FHIT: variants seen among roughly 807,000 people sequenced by gnomAD.
The protein encoded by FHIT is fragile histidine triad diadenosine triphosphatase.
Under a neutral mutation model 17.9 loss-of-function variants are expected in FHIT, and 19 were observed. The observed-to-expected ratio is 1.06, with a 90% CI of 0.74 to 1.56. FHIT has a LOEUF of 1.56. FHIT is among the 40% of genes most tolerant of loss of function. FHIT has a pLI of 0.00. For missense variants in FHIT, 248 were observed against 189.2 expected (o/e 1.31, Z -1.82); for synonymous variants, 81 against 69.7 (o/e 1.16, Z -0.81).
At chr3:60,791,671 C>T (rs1196247995) in intron 4 of FHIT, among the ~76,000 whole-genome samples, 1 of 152,168 alleles carries the variant, frequency 6.6e-6, no homozygotes, top group Non-Finnish European at 1.5e-5. Context: ...ACACCTGAGG[C>T]ACCCAGCACC....
At chr3:60,856,789 C>G (rs896181602) in intron 3 of FHIT, among the ~76,000 whole-genome samples, 1 of 152,046 alleles carries the variant, frequency 6.6e-6, no homozygotes, top group African/African-American at 2.4e-5. Context: ...CTCTATGCTC[C>G]CACCTGACAA....
Position 60,744,274 on chromosome 3 carries a change from A to C in FHIT, c.-18+77645T>G, listed in dbSNP as rs782660458. Among the ~76,000 whole-genome samples the C allele has an allele frequency of 1.7e-3, 249 of 148,318 alleles. 8 individuals are homozygous for C. The highest frequency in any genetic ancestry group is 3.3e-3 in the African/African-American group (131 of 39,890). On this transcript the variant is annotated intron_variant, in intron 4 of 9. Transcript: ENST00000492590. The stretch of plus-strand genomic sequence containing the variant: ...AAAAAAAAACAAAACAAAACAAAAA[A>C]AAAAAAAAACAGAAAGAAAAGAAAA...
chr3:59,988,135 A>G (rs1428411670), intron 7 of FHIT, among the ~76,000 whole-genome samples: 2 of 152,116 alleles, frequency 1.3e-5, no homozygotes, highest in Non-Finnish European at 2.9e-5. Context: ...ATCTGGAAGC[A>G]ACAGAGAATG....
chr3:59,845,992 T>C (rs1413946345), intron 8 of FHIT, among the ~76,000 whole-genome samples: 1 of 152,146 alleles, frequency 6.6e-6, no homozygotes, highest in Middle Eastern at 3.2e-3. Context: ...CTAAAGTAAG[T>C]CTGTGAAGAC....
intron 5 of FHIT, among the ~76,000 whole-genome samples, chr3:60,405,087 G>C (rs959933592): frequency 2.0e-5 from 3 of 152,136 alleles, no homozygotes; most frequent in African/African-American, 7.2e-5. Flanking sequence ...TAGGAAGATG[G>C]GATAGGGGTA....
intron 8 of FHIT, among the ~76,000 whole-genome samples, chr3:59,911,292 CA>C (rs1305003501): frequency 1.3e-5 from 2 of 152,284 alleles, no homozygotes; most frequent in East Asian, 3.9e-4. Flanking sequence ...CACTCACACA[CA>C]CTCTGATGTA....
At chr3:60,333,913 T>C (rs1431076367) in intron 5 of FHIT, among the ~76,000 whole-genome samples, 2 of 152,206 alleles carry the variant, frequency 1.3e-5, no homozygotes, top group Non-Finnish European at 2.9e-5. Context: ...CTGCTTCCTG[T>C]TGATCAACTT....
chr3:60,505,240 A>G (rs1321525271), intron 5 of FHIT, among the ~76,000 whole-genome samples: 3 of 152,164 alleles, frequency 2.0e-5, no homozygotes, highest in Non-Finnish European at 4.4e-5. Flanking sequence ...GGCCTCTGCT[A>G]TGGCTAAGTA....
intron 3 of FHIT, among the ~76,000 whole-genome samples, chr3:60,909,532 A>G (rs1272538671): frequency 2.6e-5 from 4 of 152,164 alleles, no homozygotes; most frequent in African/African-American, 4.8e-5. Context: ...TGCTGTCTAT[A>G]CTTTTTTTGG....
intron 3 of FHIT, among the ~76,000 whole-genome samples, chr3:60,876,844 A>G (rs2107101854): frequency 6.6e-6 from 1 of 152,294 alleles, no homozygotes; most frequent in East Asian, 1.9e-4. Flanking sequence ...AGAATACATC[A>G]AAGGAGTAAC....
chr3:60,571,713 G>A (rs772590347), intron 4 of FHIT, among the ~76,000 whole-genome samples: 3 of 152,094 alleles, frequency 2.0e-5, no homozygotes, highest in Non-Finnish European at 4.4e-5. Context: ...TTACAATAGA[G>A]CTACATGGTT....
chr3:60,233,840 C>T (rs900432042), intron 5 of FHIT, among the ~76,000 whole-genome samples: 1 of 151,982 alleles, frequency 6.6e-6, no homozygotes, highest in African/African-American at 2.4e-5. Context: ...CTGTACATGC[C>T]CCCTGTACTT....
intron 4 of FHIT, among the ~76,000 whole-genome samples, chr3:60,706,981 G>T (rs115969661): frequency 6.6e-6 from 1 of 152,204 alleles, no homozygotes; most frequent in African/African-American, 2.4e-5. Context: ...GCAGACAGGA[G>T]CCCAAGCCGG....
At chr3:60,369,692 C>T (rs115274283) in intron 5 of FHIT, among the ~76,000 whole-genome samples, 422 of 152,280 alleles carry the variant, frequency 2.8e-3, no homozygotes, top group African/African-American at 1.0e-2. Flanking sequence ...CCCAACTGAG[C>T]TTCTAGGCTG....
intron 5 of FHIT, among the ~76,000 whole-genome samples, chr3:60,460,309 A>G (rs916417129): frequency 6.6e-6 from 1 of 152,148 alleles, no homozygotes; most frequent in Non-Finnish European, 1.5e-5. Flanking sequence ...TGAGAGGTTT[A>G]TAAGGAAAGA....
chr3:60,787,553 C>G (rs1481010803), intron 4 of FHIT, among the ~76,000 whole-genome samples: 1 of 152,230 alleles, frequency 6.6e-6, no homozygotes, highest in African/African-American at 2.4e-5. Context: ...TCTGCCTGTT[C>G]ACCCCAAAAT....
chr3:60,794,801 T>C (rs1441603458), intron 4 of FHIT, among the ~76,000 whole-genome samples: 1 of 152,260 alleles, frequency 6.6e-6, no homozygotes, highest in African/African-American at 2.4e-5. Flanking sequence ...GAATCCATAT[T>C]ACATTGGCTT....
At chr3:60,938,647 C>G (rs1372052052) in intron 3 of FHIT, among the ~76,000 whole-genome samples, 3 of 152,154 alleles carry the variant, frequency 2.0e-5, no homozygotes, top group Non-Finnish European at 4.4e-5. Flanking sequence ...GAATGTTAAA[C>G]AGCGTCAGGG....
At chr3:60,807,074 C>T (rs1701420053) in intron 4 of FHIT, among the ~76,000 whole-genome samples, 1 of 152,134 alleles carries the variant, frequency 6.6e-6, no homozygotes, top group Non-Finnish European at 1.5e-5. Context: ...AATTATTAAT[C>T]AGTTGAAGTA....
Sources: gnomAD v4.1 joint callset for allele counts (sites outside exome capture counted in the v4.1 genomes callset) on GRCh38, gnomAD v4.1.1 for gene constraint, MANE v1.5 for transcripts, NCBI Gene and HGNC (gene_info 2026-07-23, HGNC 2026-07-21) for gene names.